Variants in ATAD5 observed in about 807,000 individuals in gnomAD.
ATAD5 encodes the protein ATPase family AAA domain containing 5.
Under a neutral mutation model 176.9 loss-of-function variants are expected in ATAD5, and 58 were observed. The ratio of observed to expected loss-of-function variants is 0.33; its 90% confidence interval spans 0.27 to 0.41. ATAD5 has a LOEUF of 0.41. Ranked by LOEUF, ATAD5 falls within the 10% of genes least tolerant of loss-of-function variation. The probability of loss-of-function intolerance (pLI) is 1.00; values close to 1 mark genes in which losing one functional copy is unlikely to be tolerated. For synonymous variants in ATAD5, 640 were observed against 712.6 expected (o/e 0.90, Z 1.62); for missense variants, 1,789 against 2,094.1 (o/e 0.85, Z 2.84).
chr17:30,873,708 A>G (rs1482902321), intron 14 of ATAD5, among the ~76,000 whole-genome samples: 4 of 90,484 alleles, frequency 4.4e-5, no homozygotes, highest in African/African-American at 2.4e-4. Flanking sequence ...TTTTTTTTTG[A>G]AAAGACGGGG....
At chr17:30,847,338 A>C (rs1481345098) in intron 6 of ATAD5, among the ~76,000 whole-genome samples, 1 of 151,898 alleles carries the variant, frequency 6.6e-6, no homozygotes, top group African/African-American at 2.4e-5. Flanking sequence ...AGAGAGAGAG[A>C]GAGAGAGAGA....
At chr17:30,883,596 A>C (rs1909150090) in intron 18 of ATAD5, among the ~76,000 whole-genome samples, 1 of 151,852 alleles carries the variant, frequency 6.6e-6, no homozygotes, top group African/African-American at 2.4e-5. Flanking sequence ...CCCAGGCTGG[A>C]GTGCACTGGC....
intron 6 of ATAD5, among the ~76,000 whole-genome samples, chr17:30,853,527 T>G (rs1725672553): frequency 6.6e-6 from 1 of 152,198 alleles, no homozygotes; most frequent in Non-Finnish European, 1.5e-5. Context: ...AGTATCTATC[T>G]GGCTTCATAG....
At chr17:30,841,150 C>T (rs1434497733) in intron 4 of ATAD5, among the ~76,000 whole-genome samples, 1 of 152,052 alleles carries the variant, frequency 6.6e-6, no homozygotes, top group Non-Finnish European at 1.5e-5. Flanking sequence ...GCTGAGATTA[C>T]GAGTGTGTAC....
intron 18 of ATAD5, among the ~76,000 whole-genome samples, chr17:30,881,388 C>G (rs1475007580): frequency 6.6e-6 from 1 of 152,198 alleles, no homozygotes; most frequent in South Asian, 2.1e-4. Flanking sequence ...CAACCTCCAA[C>G]TCCTGGGTTC....
rs558859814 is a variant in ATAD5, at chr17:30,851,275, TC to T, written c.2451-3867del. Reference sequence around the variant, plus strand: ...ACTTTGGGAGGCCAAGGCGTGTGGATCACGAGGTCAGCAGATCAAGACCATC... The same window carrying T: ...ACTTTGGGAGGCCAAGGCGTGTGGATACGAGGTCAGCAGATCAAGACCATC... On this transcript the variant is annotated intron_variant, in intron 6 of 22. Transcript: ENST00000321990. Among the ~76,000 whole-genome samples, 493 of 149,302 alleles carry T rather than the reference TC, an allele frequency of 3.3e-3. 4 individuals carry two copies. The highest frequency in any genetic ancestry group is 3.0e-3 in the Non-Finnish European group (202 of 67,182).
At chr17:30,839,872 A>G (rs1242203144) in intron 3 of ATAD5, among the ~76,000 whole-genome samples, 1 of 150,574 alleles carries the variant, frequency 6.6e-6, no homozygotes, top group Admixed American at 6.6e-5. Flanking sequence ...GGCATGAGCC[A>G]CTGTGTCCAG....
intron 6 of ATAD5, among the ~76,000 whole-genome samples, chr17:30,849,322 C>G (rs1476103477): frequency 2.0e-5 from 3 of 152,078 alleles, no homozygotes; most frequent in Non-Finnish European, 4.4e-5. Context: ...GCCTTGAACT[C>G]CTGGGCTCAA....
rs775276466 is a variant in ATAD5 at position 30,834,624 on chromosome 17, T to C, written c.543T>C (p.Thr181=). ...AAGATACAAAAAGTCAACCAAATAC[T>C]ATGACCTCCCTGCAAAATTCTAAAA... ...NIQDTKSQPN[T]MTSLQNSKKV... The change falls in exon 2 of 23, where the codon ACT becomes ACC. Residue 181 remains threonine, a synonymous_variant. Coordinates refer to ENST00000321990, the MANE Select transcript of ATAD5 (RefSeq NM_024857.5). 20 of 1,611,344 alleles carry C rather than the reference T, an allele frequency of 1.2e-5. No homozygotes were observed. Among genetic ancestry groups the C allele is most frequent in the Non-Finnish European group, 1.4e-5 (17 of 1,179,440 alleles).
rs546930916 is a variant in ATAD5, at chr17:30,850,285, C to T, written c.2451-4858C>T. ...TACTTTTATATCTGTTAACCAACCTCTGGCTATGTCTCCCTCTCCCCTCCC... is the reference window on the plus strand; with the variant it reads ...TACTTTTATATCTGTTAACCAACCTTTGGCTATGTCTCCCTCTCCCCTCCC... On this transcript the variant is annotated intron_variant, in intron 6 of 22. Transcript: ENST00000321990. Among the ~76,000 whole-genome samples, 19 of 152,008 alleles carry T rather than the reference C, an allele frequency of 1.2e-4. No homozygotes were observed. The South Asian group carries it at 3.7e-3, about 30-fold the overall frequency.
chr17:30,834,096 T>A, intron 1 of ATAD5, 52 bp from the exon 2 acceptor site: 1 of 1,368,770 alleles, frequency 7.3e-7, no homozygotes, highest in Non-Finnish European at 9.8e-7. Context: ...AAAATTTATA[T>A]TTTGTATTAT....
chr17:30,843,933 T>G lies in ATAD5; in HGVS notation c.2262T>G (p.Asp754Glu). The G allele has an allele frequency of 2.1e-6, 3 of 1,440,262 alleles. No individual in the cohort carries two copies. Among genetic ancestry groups the G allele is most frequent in the Non-Finnish European group, 2.8e-6 (3 of 1,058,248 alleles). The allele number at this position is 1,440,262 out of a possible 1,614,324, so 89.2% of individuals were successfully genotyped here. ...SETEDSVIII[D>E]SSPTALKHPE... ...CTTAGGATTCTGTTATAATAATAGA[T>G]TCAAGTCCTACTGCTTTAAAGCATC... The change falls in exon 5 of 23, where the codon GAT becomes GAG. Residue 754 changes from aspartate (D) to glutamate (E), a missense_variant. Coordinates refer to ENST00000321990, the MANE Select transcript of ATAD5 (RefSeq NM_024857.5).
intron 10 of ATAD5, among the ~76,000 whole-genome samples, chr17:30,863,473 C>T (rs1022925920): frequency 1.5e-4 from 23 of 150,942 alleles, no homozygotes; most frequent in Admixed American, 1.5e-3. Flanking sequence ...TTCGTACCAT[C>T]CTCCTGCCTC....
chr17:30,878,748 T>G lies in ATAD5; in HGVS notation c.4012+652T>G, dbSNP rs1011524336. Among the ~76,000 whole-genome samples the G allele has an allele frequency of 1.8e-4, 24 of 133,698 alleles. No individual in the cohort carries two copies. In the East Asian group the frequency reaches 4.5e-3, roughly 25 times the overall value. 87.7% of individuals were successfully genotyped at this position (133,698 alleles called of 152,430 possible). On this transcript the variant is annotated intron_variant, in intron 17 of 22. Coordinates refer to ENST00000321990, the MANE Select transcript of ATAD5 (RefSeq NM_024857.5). The stretch of plus-strand genomic sequence containing the variant: ...TTTTTTTTTTTTTTTTTTTTTTTTT[T>G]GGAGACAGAGTCTCACTCTGTTGCC...
Position 30,873,216 on chromosome 17 carries a change from C to G in ATAD5, c.3608-3158C>G, listed in dbSNP as rs534008211. Among the ~76,000 whole-genome samples the G allele has an allele frequency of 5.9e-5, 9 of 151,938 alleles. No homozygotes were observed. In the East Asian group the frequency reaches 1.7e-3, roughly 29 times the overall value. On this transcript the variant is annotated intron_variant, in intron 14 of 22. Coordinates refer to ENST00000321990, the MANE Select transcript of ATAD5 (RefSeq NM_024857.5). ...TTGTGTCCTTTTGACATTACCCCAG[C>G]AATAGTTGATATTTTACTTGCTTTC...
In ATAD5 at chr17:30,885,623, C is replaced by CTTTTTTTT. The variant is rs778733612; in HGVS notation, c.4078-1552_4078-1545dup. On this transcript the variant is annotated intron_variant, in intron 18 of 22. Transcript: ENST00000321990. Reference sequence around the variant, plus strand: ...AGGAAATTTCTTTTATTCCAACTTTCTTTTTTTTTTTTTTTTTTTTTTTTG... The same window carrying CTTTTTTTT: ...AGGAAATTTCTTTTATTCCAACTTTCTTTTTTTTTTTTTTTTTTTTTTTTTTTTTTTTG... Among the ~76,000 whole-genome samples, 275 of 93,804 alleles carry CTTTTTTTT rather than the reference C, an allele frequency of 2.9e-3. 2 individuals are homozygous for CTTTTTTTT. The highest frequency in any genetic ancestry group is 3.4e-3 in the Non-Finnish European group (167 of 49,676). 61.5% of individuals were successfully genotyped at this position (93,804 alleles called of 152,430 possible).
intron 12 of ATAD5, 97 bp downstream of exon 12, chr17:30,868,509 A>ATTTTTTT: frequency 4.1e-6 from 2 of 486,028 alleles, no homozygotes; most frequent in Admixed American, 6.1e-5. Flanking sequence ...TTTTTTTTTA[A>ATTTTTTT]TTTTTTTTTT....
chr17:30,834,232 G>A lies in ATAD5; in HGVS notation c.151G>A (p.Asp51Asn). Reference sequence around the variant, plus strand: ...TTTATCACCACTAGGGAAGACTAGAGACAGGGTTTTTGCTCCACCAAAACC... The same window carrying A: ...TTTATCACCACTAGGGAAGACTAGAAACAGGGTTTTTGCTCCACCAAAACC... ...KYLSPLGKTR[D>N]RVFAPPKPSN... is the part of the protein sequence containing the mutation. The change falls in exon 2 of 23, where the codon GAC (aspartate) becomes AAC (asparagine). Residue 51 changes from aspartate (D) to asparagine (N), a missense_variant. By Grantham distance (23) the Asp-to-Asn change is conservative. Transcript: ENST00000321990. The A allele has an allele frequency of 6.2e-7, 1 of 1,613,098 alleles. No homozygotes were observed. The highest frequency in any genetic ancestry group is 8.5e-7 in the Non-Finnish European group (1 of 1,179,716).
chr17:30,879,769 A>C (rs1226698003), intron 18 of ATAD5, among the ~76,000 whole-genome samples: 4 of 151,824 alleles, frequency 2.6e-5, no homozygotes, highest in African/African-American at 9.7e-5. Context: ...TCACCATTTT[A>C]GCCAGGATGG....
Sources: allele counts gnomAD v4.1 joint callset (sites outside exome capture counted in the v4.1 genomes callset), GRCh38; gene constraint gnomAD v4.1.1; transcripts MANE v1.5; gene names NCBI Gene and HGNC (gene_info 2026-07-23, HGNC 2026-07-21).